IL20RA: variants seen among roughly 807,000 people sequenced by gnomAD.
The protein encoded by IL20RA is interleukin 20 receptor subunit alpha.
In IL20RA, 29 loss-of-function variants were observed where a neutral mutation model predicts 36.5. The observed-to-expected ratio is 0.79, with a 90% CI of 0.59 to 1.08. The LOEUF (loss-of-function observed/expected upper bound fraction) is 1.08, where lower values mean the gene tolerates loss of function less well. Ranked by LOEUF, IL20RA falls within the 50% of genes least tolerant of loss-of-function variation. The pLI is 0.00. For synonymous variants in IL20RA, 279 were observed against 267.1 expected (o/e 1.04, Z -0.43); for missense variants, 652 against 668.4 (o/e 0.98, Z 0.27).
intron 1 of IL20RA, among the ~76,000 whole-genome samples, chr6:137,034,497 C>T (rs1484663571): frequency 1.3e-5 from 2 of 152,026 alleles, no homozygotes; most frequent in East Asian, 1.9e-4. Flanking sequence ...TTTGCTGCAC[C>T]TATCAACCCA....
chr6:137,015,799 G>T (rs969013952), intron 2 of IL20RA, among the ~76,000 whole-genome samples: 1 of 152,140 alleles, frequency 6.6e-6, no homozygotes, highest in African/African-American at 2.4e-5. Flanking sequence ...TGGGACTACA[G>T]GCATGCACTA....
chr6:137,025,924 C>G (rs939835315), intron 1 of IL20RA, among the ~76,000 whole-genome samples: 1 of 152,194 alleles, frequency 6.6e-6, no homozygotes, highest in Non-Finnish European at 1.5e-5. Context: ...TCATAAACAG[C>G]CAGGGTAATC....
chr6:137,006,330 C>G (rs1303495293), intron 5 of IL20RA, among the ~76,000 whole-genome samples: 1 of 152,214 alleles, frequency 6.6e-6, no homozygotes, highest in Non-Finnish European at 1.5e-5. Context: ...CACACAGAGA[C>G]GTGCCAATGC....
In IL20RA at chr6:137,000,277, C is replaced by T. The variant is rs1049122755; in HGVS notation, c.*1281G>A. 1 of 152,166 alleles carries T rather than the reference C, an allele frequency of 6.6e-6. No individual in the cohort carries two copies. The highest frequency in any genetic ancestry group is 6.5e-5 in the Admixed American group (1 of 15,268). The allele number at this position is 152,166 out of a possible 1,614,324, so 9.4% of individuals were successfully genotyped here. On this transcript the variant is annotated 3_prime_UTR_variant, in exon 7 of 7. Coordinates refer to ENST00000316649, the MANE Select transcript of IL20RA (RefSeq NM_014432.4). ...AGGAAATATGGGTGATATCTCTTCT[C>T]ATGAAAGAGCATCAATGGATTATGA... is the stretch of plus-strand genomic sequence containing the variant.
intron 5 of IL20RA, among the ~76,000 whole-genome samples, chr6:137,005,244 C>T (rs1446234393): frequency 6.6e-6 from 1 of 152,188 alleles, no homozygotes; most frequent in Non-Finnish European, 1.5e-5. Context: ...ATGCATGACG[C>T]CACTTTTATA....
chr6:137,017,936 T>C (rs1305409245), intron 1 of IL20RA, among the ~76,000 whole-genome samples: 3 of 152,098 alleles, frequency 2.0e-5, no homozygotes, highest in African/African-American at 7.2e-5. Context: ...AGATAATCCT[T>C]GGATTAAAGT....
rs1302281137 is a variant in IL20RA, at chr6:137,000,664, CAA to C, written c.*892_*893del. On this transcript the variant is annotated 3_prime_UTR_variant, in exon 7 of 7. Transcript: ENST00000316649. ...AGAGGATATTCATTCATAGATATTC[CAA>C]AGAGTCTTTGAACGACTGCCTATTC... 6.6e-6 allele frequency: 1 copy of C among 152,018 alleles called. No homozygotes were observed. Among genetic ancestry groups the C allele is most frequent in the African/African-American group, 2.4e-5 (1 of 41,378 alleles). 9.4% of individuals were successfully genotyped at this position (152,018 alleles called of 1,614,324 possible).
At position 137,044,922 on chromosome 6, in the gene IL20RA, C is replaced by G; in HGVS notation, c.-194G>C. The G allele has an allele frequency of 2.4e-6, 1 of 417,146 alleles. No individual in the cohort carries two copies. The highest frequency in any genetic ancestry group is 3.9e-6 in the Non-Finnish European group (1 of 259,356). 25.8% of individuals were successfully genotyped at this position (417,146 alleles called of 1,614,324 possible). On this transcript the variant is annotated 5_prime_UTR_variant, in exon 1 of 7. Transcript: ENST00000316649. ...TTCCCCAGAAACCAAGGGCGAGCGA[C>G]TCGCGGAGCCCCCACGCGCGCTCCC...
chr6:137,015,650 TTG>T (rs1394804180), intron 2 of IL20RA, among the ~76,000 whole-genome samples: 5 of 151,320 alleles, frequency 3.3e-5, no homozygotes, highest in African/African-American at 1.2e-4. Context: ...TCCATAATTT[TTG>T]TTTGTTTGTT....
intron 1 of IL20RA, among the ~76,000 whole-genome samples, chr6:137,038,541 T>A (rs1194175532): frequency 6.6e-6 from 1 of 152,150 alleles, no homozygotes; most frequent in African/African-American, 2.4e-5. Context: ...TGGAATTGAT[T>A]AAAGTGATTT....
chr6:137,039,810 A>G (rs1776621567), intron 1 of IL20RA, among the ~76,000 whole-genome samples: 2 of 152,348 alleles, frequency 1.3e-5, no homozygotes, highest in South Asian at 2.1e-4. Flanking sequence ...TTATAAGCAC[A>G]GTAATATTTC....
At chr6:137,015,442 A>G (rs761769523) in intron 2 of IL20RA, among the ~76,000 whole-genome samples, 2 of 152,134 alleles carry the variant, frequency 1.3e-5, no homozygotes, top group Non-Finnish European at 2.9e-5. Flanking sequence ...ATGGACTGTT[A>G]TTTATTTTAA....
intron 1 of IL20RA, chr6:137,044,420 T>G (rs1192833749): frequency 1.1e-6 from 1 of 926,158 alleles, no homozygotes; most frequent in Non-Finnish European, 1.4e-6. Flanking sequence ...TCCTGCAAAC[T>G]TGACCCCGAG....
intron 1 of IL20RA, among the ~76,000 whole-genome samples, chr6:137,024,744 T>G (rs73778306): frequency 0.011 from 1,635 of 152,354 alleles, 34 homozygotes; most frequent in African/African-American, 0.037. Context: ...TTTCCATGTG[T>G]GCATCATTGA....
chr6:137,025,441 T>A (rs1159075554), intron 1 of IL20RA, among the ~76,000 whole-genome samples: 1 of 152,238 alleles, frequency 6.6e-6, no homozygotes, highest in Non-Finnish European at 1.5e-5. Context: ...GTGTCAGAAA[T>A]AAACTTCTGT....
At chr6:137,025,622 A>T (rs906462315) in intron 1 of IL20RA, among the ~76,000 whole-genome samples, 2 of 152,202 alleles carry the variant, frequency 1.3e-5, no homozygotes, top group Non-Finnish European at 2.9e-5. Flanking sequence ...TGGATTAATA[A>T]GATAGATCTA....
At chr6:137,028,371 G>C (rs533830278) in intron 1 of IL20RA, among the ~76,000 whole-genome samples, 1 of 149,666 alleles carries the variant, frequency 6.7e-6, no homozygotes, top group Non-Finnish European at 1.5e-5. Flanking sequence ...AGCTGAGATC[G>C]TGCCACTGCA....
chr6:137,007,883 T>G (rs1310284278), intron 5 of IL20RA, among the ~76,000 whole-genome samples: 3 of 152,218 alleles, frequency 2.0e-5, no homozygotes, highest in Non-Finnish European at 4.4e-5. Context: ...TGCTTTACAG[T>G]GGTTTTAGAA....
At position 137,009,408 on chromosome 6, in the gene IL20RA, C is replaced by A. The variant is rs772272084; in HGVS notation, c.488G>T (p.Arg163Ile). 53 of 1,612,548 alleles carry A rather than the reference C, an allele frequency of 3.3e-5. No individual in the cohort carries two copies. The highest frequency in any genetic ancestry group is 4.5e-5 in the Non-Finnish European group (53 of 1,178,618). ...VVLTAPEKWKRNPEDLPVSMQ... is the reference protein window; with the variant it reads ...VVLTAPEKWKINPEDLPVSMQ... ...GGAAACAGGAAGGTCTTCTGGATTT[C>A]TCTTCCACTTCTCTGGAGCTGTCAG... Residue 163 changes from arginine (R) to isoleucine (I), a missense_variant, in exon 4 of 7, where the codon AGA (arginine) becomes ATA (isoleucine). Coordinates refer to ENST00000316649, the MANE Select transcript of IL20RA (RefSeq NM_014432.4).
Sources: allele counts gnomAD v4.1 joint callset (sites outside exome capture counted in the v4.1 genomes callset), GRCh38; gene constraint gnomAD v4.1.1; transcripts MANE v1.5; gene names NCBI Gene and HGNC (gene_info 2026-07-23, HGNC 2026-07-21).